The following BRD10 variants were observed in gnomAD, a reference collection of about 807,000 sequenced individuals.
The protein encoded by BRD10 is bromodomain containing 10.
At chr9:5,970,198 A>G in the BRD10 span, among the ~76,000 whole-genome samples, 1 of 152,216 alleles carries the variant, frequency 6.6e-6, no homozygotes, top group Non-Finnish European at 1.5e-5. Context: ...GTTTTATATA[A>G]GAAAAACAAA....
the BRD10 span, chr9:5,919,685 C>A: frequency 6.3e-7 from 1 of 1,594,720 alleles, no homozygotes; most frequent in South Asian, 1.1e-5. Context: ...AGTCTAAATT[C>A]AAGATGCAGC....
At chr9:5,988,416 A>G in the BRD10 span, 1 of 1,613,750 alleles carries the variant, frequency 6.2e-7, no homozygotes, top group Non-Finnish European at 8.5e-7. Flanking sequence ...CAAAAACTCC[A>G]CTTGTCAAGC....
chr9:5,899,015 A>G, the BRD10 span: 1 of 152,210 alleles, frequency 6.6e-6, no homozygotes, highest in South Asian at 2.1e-4. Flanking sequence ...AATGGGAAAC[A>G]TCAACTGAGT....
chr9:5,989,629 A>G, the BRD10 span, among the ~76,000 whole-genome samples: 1 of 150,700 alleles, frequency 6.6e-6, no homozygotes, highest in Non-Finnish European at 1.5e-5. Flanking sequence ...CCCTGGGCTC[A>G]GGTGATCCTC....
chr9:5,893,819 T>C, the BRD10 span, among the ~76,000 whole-genome samples: 2 of 152,158 alleles, frequency 1.3e-5, no homozygotes, highest in South Asian at 4.2e-4. Flanking sequence ...CACCTCCACA[T>C]CTTGCCAACA....
At chr9:5,885,349 C>T in the BRD10 span, among the ~76,000 whole-genome samples, 2 of 151,838 alleles carry the variant, frequency 1.3e-5, no homozygotes, top group South Asian at 4.2e-4. Flanking sequence ...ACTTGCCAGG[C>T]ACTGTGCTAG....
chr9:5,879,511 T>A, the BRD10 span, among the ~76,000 whole-genome samples: 1 of 152,170 alleles, frequency 6.6e-6, no homozygotes, highest in African/African-American at 2.4e-5. Context: ...AAAGGGCTGG[T>A]TGACCCATGA....
the BRD10 span, among the ~76,000 whole-genome samples, chr9:5,934,838 T>G: frequency 2.0e-5 from 3 of 152,208 alleles, no homozygotes; most frequent in Non-Finnish European, 4.4e-5. Context: ...TAAACTCACA[T>G]GTATAAAAAC....
chr9:6,002,726 G>T, the BRD10 span, among the ~76,000 whole-genome samples: 5 of 150,254 alleles, frequency 3.3e-5, no homozygotes, highest in Non-Finnish European at 5.9e-5. Flanking sequence ...ACCCAGGCTG[G>T]AGTGCAGCAG....
the BRD10 span, among the ~76,000 whole-genome samples, chr9:5,991,346 C>T: frequency 3.3e-5 from 5 of 152,106 alleles, no homozygotes; most frequent in African/African-American, 9.7e-5. Context: ...TAGACTACTG[C>T]AGTTGCTTTG....
the BRD10 span, among the ~76,000 whole-genome samples, chr9:5,997,172 A>G: frequency 6.6e-6 from 1 of 152,238 alleles, no homozygotes; most frequent in Non-Finnish European, 1.5e-5. Context: ...GGGACTTGGC[A>G]AGAGCTAAGG....
At chr9:5,953,958 T>C in the BRD10 span, 1 of 912,956 alleles carries the variant, frequency 1.1e-6, no homozygotes, top group East Asian at 2.6e-5. Context: ...TCTCGAGGAA[T>C]GATATGAACA....
the BRD10 span, chr9:5,920,342 G>A: frequency 9.9e-6 from 16 of 1,613,702 alleles, no homozygotes; most frequent in Admixed American, 8.3e-5. Context: ...AGTACCAGGT[G>A]CCAAAGGTGT....
the BRD10 span, among the ~76,000 whole-genome samples, chr9:5,883,673 T>G: frequency 6.6e-6 from 1 of 152,020 alleles, no homozygotes; most frequent in South Asian, 2.1e-4. Flanking sequence ...TATCTCTCTA[T>G]GCAGCCCAGG....
the BRD10 span, among the ~76,000 whole-genome samples, chr9:6,002,890 G>A: frequency 1.3e-5 from 2 of 151,884 alleles, no homozygotes; most frequent in African/African-American, 4.8e-5. Context: ...TCATCATGTT[G>A]GCCAAGCTAG....
chr9:5,916,889 T>G, the BRD10 span, among the ~76,000 whole-genome samples: 1 of 152,134 alleles, frequency 6.6e-6, no homozygotes, highest in Non-Finnish European at 1.5e-5. Flanking sequence ...CTAAACACAA[T>G]GAATTCAGGA....
At chr9:5,909,464 G>A in the BRD10 span, 1 of 152,166 alleles carries the variant, frequency 6.6e-6, no homozygotes, top group Admixed American at 6.6e-5. Context: ...CTCCATGTTG[G>A]TCAGGCTGGT....
chr9:5,905,063 G>C, the BRD10 span, among the ~76,000 whole-genome samples: 5 of 152,262 alleles, frequency 3.3e-5, no homozygotes, highest in African/African-American at 9.6e-5. Flanking sequence ...GTGAGCCACC[G>C]TGCCCGGCCT....
At chr9:5,909,445 A>G in the BRD10 span, 1 of 152,166 alleles carries the variant, frequency 6.6e-6, no homozygotes, top group African/African-American at 2.4e-5. Context: ...TTTAGTAGAG[A>G]CGGGGTTTCT....
Sources: gnomAD v4.1 joint callset for allele counts (sites outside exome capture counted in the v4.1 genomes callset) on GRCh38, gnomAD v4.1.1 for gene constraint, MANE v1.5 for transcripts, NCBI Gene and HGNC (gene_info 2026-07-23, HGNC 2026-07-21) for gene names.